INPP5A: variants seen among roughly 807,000 people sequenced by gnomAD.
The protein encoded by INPP5A is inositol polyphosphate-5-phosphatase A, also known as 43 kDa inositol polyphosphate 5-phophatase.
In INPP5A, 14 loss-of-function variants were observed where a neutral mutation model predicts 65.2. The observed-to-expected ratio is 0.21, with a 90% CI of 0.14 to 0.34. INPP5A has a LOEUF of 0.34. Ranked by LOEUF, INPP5A falls within the 10% of genes least tolerant of loss-of-function variation. The pLI is 1.00. For synonymous variants in INPP5A, 207 were observed against 208.3 expected, an observed-to-expected ratio of 0.99 and a Z score of 0.05; for missense variants, 431 against 545.6, an observed-to-expected ratio of 0.79 and a Z score of 2.09.
At chr10:132,708,228 T>C in intron 6 of INPP5A, 85 bp from the exon 7 acceptor site, 2 of 1,202,630 alleles carry the variant, frequency 1.7e-6, no homozygotes, top group Non-Finnish European at 2.4e-6. Flanking sequence ...GGAAAGCATC[T>C]CCTGTGTCCT....
In INPP5A at chr10:132,572,671, T is replaced by A. The variant is rs564417666; in HGVS notation, c.75+34500T>A. On this transcript the variant is annotated intron_variant, in intron 1 of 15. Coordinates refer to ENST00000368594, the MANE Select transcript of INPP5A (RefSeq NM_005539.5). ...TGCTCTAGTCCTGGTAATGGGCTAG[T>A]GTGCTTGTTCTGGCTTTACTCGGTA... Among the ~76,000 whole-genome samples, 483 of 152,246 alleles carry A rather than the reference T, an allele frequency of 3.2e-3. 1 individual carries two copies. Among genetic ancestry groups the A allele is most frequent in the African/African-American group, 9.9e-3 (411 of 41,522 alleles).
intron 9 of INPP5A, among the ~76,000 whole-genome samples, chr10:132,730,886 TTAATTCAGATCTGA>T (rs764149745): frequency 5.9e-5 from 9 of 152,322 alleles, no homozygotes; most frequent in South Asian, 4.1e-4. Flanking sequence ...TCATTTCATT[TTAATTCAGATCTGA>T]TAATTCAGAT....
chr10:132,552,662 A>C (rs1334111884), intron 1 of INPP5A, among the ~76,000 whole-genome samples: 37 of 111,712 alleles, frequency 3.3e-4, no homozygotes, highest in Middle Eastern at 6.4e-3. Flanking sequence ...GCCTTGGTGG[A>C]ATATTGAGTA....
intron 8 of INPP5A, among the ~76,000 whole-genome samples, chr10:132,723,616 C>CATGTGGGGATTGGCT (rs1845931291): frequency 7.4e-6 from 1 of 135,688 alleles, no homozygotes; most frequent in Non-Finnish European, 1.6e-5. Flanking sequence ...GGGGATTGGC[C>CATGTGGGGATTGGCT]GTGTGGGGAT....
intron 1 of INPP5A, among the ~76,000 whole-genome samples, chr10:132,581,465 C>G (rs567248946): frequency 6.6e-6 from 1 of 152,338 alleles, no homozygotes; most frequent in Non-Finnish European, 1.5e-5. Flanking sequence ...ATCAGAGGCT[C>G]TGGAACTTTC....
chr10:132,728,130 C>T (rs974243464), intron 9 of INPP5A, among the ~76,000 whole-genome samples: 2 of 152,192 alleles, frequency 1.3e-5, no homozygotes, highest in East Asian at 3.9e-4. Flanking sequence ...AACATTTGGC[C>T]GTGCTGGTGG....
At chr10:132,558,439 T>G (rs1038349058) in intron 1 of INPP5A, among the ~76,000 whole-genome samples, 1 of 152,192 alleles carries the variant, frequency 6.6e-6, no homozygotes, top group Non-Finnish European at 1.5e-5. Flanking sequence ...TATTTCTGCC[T>G]CCTGAAGCCA....
chr10:132,765,634 T>C (rs1046107187), intron 11 of INPP5A, 139 bp from the exon 12 acceptor site: 2 of 652,036 alleles, frequency 3.1e-6, no homozygotes, highest in African/African-American at 3.6e-5. Context: ...ACCACAGAGC[T>C]TTCTGGTGAC....
intron 12 of INPP5A, among the ~76,000 whole-genome samples, chr10:132,772,729 G>A (rs71503758): frequency 3.1e-4 from 4 of 13,042 alleles, no homozygotes; most frequent in African/African-American, 4.2e-4. Flanking sequence ...CACGGCAGCC[G>A]CCCCACGAAG....
intron 12 of INPP5A, among the ~76,000 whole-genome samples, chr10:132,766,514 C>A (rs900284088): frequency 6.6e-6 from 1 of 151,874 alleles, no homozygotes; most frequent in African/African-American, 2.4e-5. Context: ...TGTGTGCAGA[C>A]CTGGTGCAGA....
Position 132,659,529 on chromosome 10 carries a change from C to T in INPP5A, c.306+9024C>T, listed in dbSNP as rs1383741228. Among the ~76,000 whole-genome samples the T allele has an allele frequency of 6.6e-6, 1 of 152,208 alleles. No homozygotes were observed. Among genetic ancestry groups the T allele is most frequent in the Non-Finnish European group, 1.5e-5 (1 of 68,026 alleles). On this transcript the variant is annotated intron_variant, in intron 4 of 15. Transcript: ENST00000368594. This position sits in a 1 kb window ranked among gnomAD's most constrained non-coding sequence, Gnocchi z 5.5. The stretch of plus-strand genomic sequence containing the variant: ...GACCGTGCCCAGGTTATCCAGTGTT[C>T]CTTCTCAGCGAGCAGCTCCCATGGC...
At chr10:132,614,979 G>C (rs1017891914) in intron 2 of INPP5A, among the ~76,000 whole-genome samples, 1 of 152,272 alleles carries the variant, frequency 6.6e-6, no homozygotes, top group Non-Finnish European at 1.5e-5. Context: ...GCAGGCTGCG[G>C]TGTTTTGTTG....
At chr10:132,773,971 A>G (rs1847000947) in intron 12 of INPP5A, among the ~76,000 whole-genome samples, 1 of 152,202 alleles carries the variant, frequency 6.6e-6, no homozygotes, top group South Asian at 2.1e-4. Flanking sequence ...TATGTTGTCC[A>G]GGCTGGTCTT....
intron 1 of INPP5A, among the ~76,000 whole-genome samples, chr10:132,559,022 G>A (rs898783329): frequency 1.3e-5 from 2 of 152,160 alleles, no homozygotes; most frequent in Non-Finnish European, 2.9e-5. Flanking sequence ...GGACAGTCCA[G>A]CCCCGTCCTC....
chr10:132,697,812 C>T lies in INPP5A; in HGVS notation c.371-4C>T, dbSNP rs754068941. On this transcript the variant is annotated splice_polypyrimidine_tract_variant and splice_region_variant and intron_variant, in intron 5 of 15. Coordinates refer to ENST00000368594, the MANE Select transcript of INPP5A (RefSeq NM_005539.5). This position sits in a 1 kb window ranked among gnomAD's most constrained non-coding sequence, Gnocchi z 5.6. ...AGTCACCTCGTCCTTCTGGTCTCTTCCAGCTAAGAAGTATAGAAAGGTCGC... is the reference window on the plus strand; with the variant it reads ...AGTCACCTCGTCCTTCTGGTCTCTTTCAGCTAAGAAGTATAGAAAGGTCGC... 18 of 1,599,388 alleles carry T rather than the reference C, an allele frequency of 1.1e-5. No individual in the cohort carries two copies. The East Asian group carries it at 3.6e-4, about 32-fold the overall frequency.
chr10:132,538,628 C>A lies in INPP5A; in HGVS notation c.75+457C>A, dbSNP rs777475157. ...AGAACCCTGGCCCTGGAATGCCCAT[C>A]CCCAACCCTGGCCCTGAACCCCAGG... is the stretch of plus-strand genomic sequence containing the variant. On this transcript the variant is annotated intron_variant, in intron 1 of 15. Transcript: ENST00000368594. The surrounding 1 kb of genome is among the most constrained non-coding windows in gnomAD (Gnocchi z 4.1). Among the ~76,000 whole-genome samples, 1 of 152,172 alleles carries A rather than the reference C, an allele frequency of 6.6e-6. No individual in the cohort carries two copies.
At chr10:132,597,079 G>A (rs980562052) in intron 1 of INPP5A, among the ~76,000 whole-genome samples, 10 of 151,612 alleles carry the variant, frequency 6.6e-5, no homozygotes, top group South Asian at 6.5e-4. Context: ...ACGTGTGTGC[G>A]TGTGTGTATG....
chr10:132,576,880 G>A (rs544510779), intron 1 of INPP5A, among the ~76,000 whole-genome samples: 11 of 152,312 alleles, frequency 7.2e-5, no homozygotes, highest in South Asian at 2.1e-4. Flanking sequence ...TGAGACTGAC[G>A]AGGGCCACCA....
In INPP5A at chr10:132,616,011, G is replaced by C. The variant is rs2072027220; in HGVS notation, c.117+8055G>C. 6.6e-6 allele frequency among the ~76,000 whole-genome samples: 1 copy of C among 152,182 alleles called. No individual in the cohort carries two copies. The highest frequency in any genetic ancestry group is 1.5e-5 in the Non-Finnish European group (1 of 68,014). ...GGGGCCTCCCCTCTTAGTGGTGATG[G>C]GCTTCACCCTCTGTAGCTGCCGGTT... On this transcript the variant is annotated intron_variant, in intron 2 of 15. Coordinates refer to ENST00000368594, the MANE Select transcript of INPP5A (RefSeq NM_005539.5). The surrounding 1 kb of genome is among the most constrained non-coding windows in gnomAD (Gnocchi z 4.9).
Sources: gnomAD v4.1 joint callset for allele counts (sites outside exome capture counted in the v4.1 genomes callset) on GRCh38, gnomAD v4.1.1 for gene constraint, Gnocchi (gnomAD v3.1) non-coding constraint, MANE v1.5 for transcripts, NCBI Gene and HGNC (gene_info 2026-07-23, HGNC 2026-07-21) for gene names.